Variants in CDC14B observed in about 807,000 individuals in gnomAD.
The protein encoded by CDC14B is cell division cycle 14B.
In CDC14B, 22 loss-of-function variants were observed where a neutral mutation model predicts 64.2. The ratio of observed to expected loss-of-function variants is 0.34; its 90% CI spans 0.24 to 0.49. The LOEUF (loss-of-function observed/expected upper bound fraction) is 0.49, where lower values mean the gene tolerates loss of function less well. Among genes scored for constraint, CDC14B ranks in the 20% least tolerant of loss-of-function variants. The pLI is 0.99. For missense variants in CDC14B, 498 were observed against 629.9 expected (o/e 0.79, Z 2.24); for synonymous variants, 191 against 215.8 (o/e 0.89, Z 1.01).
rs1322175338 is a variant in CDC14B, at chr9:96,503,756, A to G, written c.1494T>C (p.Arg498=). Residue 498 remains arginine, a synonymous_variant, in exon 14 of 14, where the codon CGT becomes CGC. Transcript: ENST00000375241. ...LSISRTKTVL[R] ...AGCTCTGGTCACAGGTTTTTACTTA[A>G]CGCAAGACTGTTTTAGTCCTTGAAA... 1.2e-6 allele frequency: 2 copies of G among 1,613,760 alleles called. No individual in the cohort carries two copies. The highest frequency in any genetic ancestry group is 1.7e-6 in the Non-Finnish European group (2 of 1,179,822).
Position 96,515,891 on chromosome 9 carries a change from A to T in CDC14B, c.1344-6102T>A. The T allele has an allele frequency of 8.5e-7, 1 of 1,169,826 alleles. No homozygotes were observed. The highest frequency in any genetic ancestry group is 1.8e-5 in the South Asian group (1 of 55,796). The allele number at this position is 1,169,826 out of a possible 1,614,324, so 72.5% of individuals were successfully genotyped here. On this transcript the variant is annotated intron_variant, in intron 12 of 13. Transcript: ENST00000375241. This position sits in a 1 kb window ranked among gnomAD's most constrained non-coding sequence, Gnocchi z 4.3. ...ATCAAGCCATATGTGAATTTTAGAC[A>T]CCCTAAAAGCCCAGCCAACAGCAAC...
At chr9:96,577,914 T>G (rs1284678110) in intron 1 of CDC14B, among the ~76,000 whole-genome samples, 1 of 152,194 alleles carries the variant, frequency 6.6e-6, no homozygotes, top group Non-Finnish European at 1.5e-5. Context: ...GAATATTATA[T>G]GGCAATGAGA....
rs551110657 is a variant in CDC14B, at chr9:96,517,843, T to A, written c.1343+4663A>T. ...GCCACCATGCCCAGTTTTTTTTTTT[T>A]ATTTTTTTTGTAGAGACAGAATCTC... On this transcript the variant is annotated intron_variant, in intron 12 of 13. Coordinates refer to ENST00000375241, the MANE Select transcript of CDC14B (RefSeq NM_033331.4). 8.9e-3 allele frequency among the ~76,000 whole-genome samples: 1,340 copies of A among 151,270 alleles called. 3 individuals are homozygous for A. Among genetic ancestry groups the A allele is most frequent in the Middle Eastern group, 0.017 (5 of 294 alleles).
At chr9:96,554,493 A>G (rs17318928) in intron 4 of CDC14B, among the ~76,000 whole-genome samples, 2,758 of 152,324 alleles carry the variant, frequency 0.018, 41 homozygotes, top group Non-Finnish European at 0.027. Context: ...ACTGTGGTTT[A>G]GCCTTGGAAC....
At chr9:96,523,531 A>T (rs967484939) in intron 10 of CDC14B, 56 bp downstream of exon 10, 1 of 1,608,758 alleles carries the variant, frequency 6.2e-7, no homozygotes, top group Non-Finnish European at 8.5e-7. Context: ...TCCACTCCCC[A>T]TCAGATTCCA....
intron 9 of CDC14B, among the ~76,000 whole-genome samples, chr9:96,533,292 T>C (rs1838777917): frequency 6.6e-6 from 1 of 152,214 alleles, no homozygotes; most frequent in Admixed American, 6.5e-5. Context: ...TCCCTTTGAA[T>C]AGGCTATACT....
chr9:96,609,738 T>A (rs12551993), intron 1 of CDC14B, among the ~76,000 whole-genome samples: 29,049 of 152,132 alleles, frequency 0.19, 2,956 homozygotes, highest in South Asian at 0.32. Context: ...AAGAAAGTAA[T>A]GTTACTTTCA....
chr9:96,515,568 C>T lies in CDC14B; in HGVS notation c.1344-5779G>A. On this transcript the variant is annotated intron_variant, in intron 12 of 13. Transcript: ENST00000375241. This position sits in a 1 kb window ranked among gnomAD's most constrained non-coding sequence, Gnocchi z 4.3. Reference sequence around the variant, plus strand: ...GCAAACCAACAAAGCTAGGAGCTGACAAGGAGAAAAACATGCATTGTGGGA... The same window carrying T: ...GCAAACCAACAAAGCTAGGAGCTGATAAGGAGAAAAACATGCATTGTGGGA... 7.5e-7 allele frequency: 1 copy of T among 1,333,404 alleles called. No homozygotes were observed. Among genetic ancestry groups the T allele is most frequent in the East Asian group, 2.7e-5 (1 of 37,226 alleles). 82.6% of individuals were successfully genotyped at this position (1,333,404 alleles called of 1,614,324 possible).
At chr9:96,495,116 G>A (rs1277601442), downstream of CDC14B, among the ~76,000 whole-genome samples, 2 of 152,160 alleles carry the variant, frequency 1.3e-5, no homozygotes, top group East Asian at 3.9e-4. Context: ...TTACAGGCGT[G>A]AGCCACCGCG....
At chr9:96,496,707 TCC>T (rs1833257953), downstream of CDC14B, among the ~76,000 whole-genome samples, 1 of 152,136 alleles carries the variant, frequency 6.6e-6, no homozygotes. Flanking sequence ...CACCCTGAAG[TCC>T]CCGCTGGAGG....
At chr9:96,519,730 TAAA>T (rs59101582) in intron 12 of CDC14B, among the ~76,000 whole-genome samples, 4 of 111,362 alleles carry the variant, frequency 3.6e-5, no homozygotes, top group East Asian at 2.6e-4. Context: ...GACTCTGTCT[TAAA>T]AAAAAAAAAA....
intron 11 of CDC14B, 74 bp downstream of exon 11, chr9:96,523,187 T>G: frequency 6.8e-7 from 1 of 1,475,454 alleles, no homozygotes; most frequent in Middle Eastern, 2.4e-4. Context: ...TACCTACGGT[T>G]TTCTCCATAC....
chr9:96,517,704 T>C (rs1273324819), intron 12 of CDC14B, among the ~76,000 whole-genome samples: 2 of 150,120 alleles, frequency 1.3e-5, no homozygotes, highest in East Asian at 2.0e-4. Flanking sequence ...CTTGCTCTGT[T>C]GCCCAGGCTG....
At chr9:96,544,309 C>T (rs1037459492) in intron 5 of CDC14B, among the ~76,000 whole-genome samples, 3 of 152,106 alleles carry the variant, frequency 2.0e-5, no homozygotes, top group Non-Finnish European at 2.9e-5. Flanking sequence ...GAATATTCCA[C>T]AAATGTTAGA....
In CDC14B at chr9:96,515,727, T is replaced by C. The variant is rs1032730657; in HGVS notation, c.1344-5938A>G. 5.6e-6 allele frequency: 9 copies of C among 1,606,244 alleles called. No individual in the cohort carries two copies. The highest frequency in any genetic ancestry group is 3.4e-5 in the Admixed American group (2 of 59,200). On this transcript the variant is annotated intron_variant, in intron 12 of 13. Coordinates refer to ENST00000375241, the MANE Select transcript of CDC14B (RefSeq NM_033331.4). The surrounding 1 kb of genome is among the most constrained non-coding windows in gnomAD (Gnocchi z 4.3). ...ACAGAATAGCAGGATGGGAAGAATG[T>C]AGTCACAAACAATCCACCAGATGAC...
intron 4 of CDC14B, among the ~76,000 whole-genome samples, chr9:96,557,549 T>G (rs1431069290): frequency 6.6e-6 from 1 of 152,232 alleles, no homozygotes; most frequent in Non-Finnish European, 1.5e-5. Context: ...GACCACAGAT[T>G]CAAAAGATCA....
At chr9:96,522,646 C>T in intron 11 of CDC14B, 43 bp from the exon 12 acceptor site, 3 of 1,236,480 alleles carry the variant, frequency 2.4e-6, no homozygotes, top group East Asian at 2.3e-5. Flanking sequence ...TTAAGTTGCA[C>T]TTATTAATGC....
chr9:96,568,682 G>A (rs72603675), intron 1 of CDC14B, among the ~76,000 whole-genome samples: 24,110 of 152,142 alleles, frequency 0.16, 2,332 homozygotes, highest in South Asian at 0.29. Flanking sequence ...TTGGGAGGCC[G>A]AGGAGGATGG....
chr9:96,599,313 G>A (rs568081860), intron 1 of CDC14B, among the ~76,000 whole-genome samples: 8 of 152,056 alleles, frequency 5.3e-5, no homozygotes, highest in East Asian at 3.9e-4. Flanking sequence ...CCCAGGAGGC[G>A]GAGGTTGCAG....
Sources: gnomAD v4.1 joint callset for allele counts (sites outside exome capture counted in the v4.1 genomes callset) on GRCh38, gnomAD v4.1.1 for gene constraint, Gnocchi (gnomAD v3.1) non-coding constraint, MANE v1.5 for transcripts, NCBI Gene and HGNC (gene_info 2026-07-23, HGNC 2026-07-21) for gene names.